Variants in CDH12 observed in about 807,000 individuals in gnomAD.
CDH12 encodes the protein cadherin 12.
In CDH12, 41 loss-of-function variants were observed where a neutral mutation model predicts 74.1. That is an observed-to-expected ratio of 0.55 (90% CI 0.43 to 0.72). The LOEUF is 0.72. Ranked by LOEUF, CDH12 falls within the 30% of genes least tolerant of loss-of-function variation. The probability of loss-of-function intolerance (pLI) is 0.00; values close to 1 mark genes in which losing one functional copy is unlikely to be tolerated. For missense variants in CDH12, 945 were observed against 977.2 expected, an observed-to-expected ratio of 0.97 and a Z score of 0.44; for synonymous variants, 399 against 355.0, an observed-to-expected ratio of 1.12 and a Z score of -1.39.
intron 1 of CDH12, among the ~76,000 whole-genome samples, chr5:22,784,013 A>AT (rs1294703464): frequency 1.3e-5 from 2 of 151,868 alleles, no homozygotes; most frequent in South Asian, 2.1e-4. Flanking sequence ...TGTCTCTCAT[A>AT]TTTTTTGTGT....
At chr5:22,341,233 A>G (rs538314797) in intron 3 of CDH12, among the ~76,000 whole-genome samples, 4 of 152,304 alleles carry the variant, frequency 2.6e-5, no homozygotes, top group South Asian at 4.1e-4. Context: ...GCAGTACCTC[A>G]TAACTGCTGT....
intron 4 of CDH12, among the ~76,000 whole-genome samples, chr5:22,208,459 C>T (rs1353001756): frequency 1.3e-5 from 2 of 152,208 alleles, no homozygotes; most frequent in Non-Finnish European, 2.9e-5. Context: ...CAATTAACCT[C>T]TTTTCTTTCT....
intron 1 of CDH12, among the ~76,000 whole-genome samples, chr5:22,688,063 G>A (rs1319844483): frequency 6.6e-6 from 1 of 152,020 alleles, no homozygotes; most frequent in Admixed American, 6.6e-5. Flanking sequence ...TTCATGTACT[G>A]CATTTGTAAG....
At chr5:21,763,253 C>CT (rs1393317475) in intron 12 of CDH12, among the ~76,000 whole-genome samples, 9 of 152,162 alleles carry the variant, frequency 5.9e-5, no homozygotes, top group African/African-American at 2.2e-4. Context: ...TGAAAATACT[C>CT]TATGTCTGCA....
intron 3 of CDH12, among the ~76,000 whole-genome samples, chr5:22,371,236 C>G (rs1403060021): frequency 6.6e-6 from 1 of 152,054 alleles, no homozygotes; most frequent in African/African-American, 2.4e-5. Context: ...AACTATTGAA[C>G]TCAGACATGT....
At chr5:22,651,668 CA>C (rs1177158556) in intron 1 of CDH12, among the ~76,000 whole-genome samples, 1 of 150,846 alleles carries the variant, frequency 6.6e-6, no homozygotes, top group Non-Finnish European at 1.5e-5. Flanking sequence ...AAAGCCTAAC[CA>C]TATCAGCTAA....
In CDH12 at chr5:21,882,566, C is replaced by A. The variant is rs547962429; in HGVS notation, c.527-27776G>T. On this transcript the variant is annotated intron_variant, in intron 6 of 14. Transcript: ENST00000382254. Reference sequence around the variant, plus strand: ...GACAACCTGTCTCGCCGCGCGCATGCCCTGCAGCCGCCCCACAGAAATGCT... The same window carrying A: ...GACAACCTGTCTCGCCGCGCGCATGACCTGCAGCCGCCCCACAGAAATGCT... 47 of 1,443,562 alleles carry A rather than the reference C, an allele frequency of 3.3e-5. No individual in the cohort carries two copies. In the African/African-American group the frequency reaches 4.6e-4, roughly 14 times the overall value. 89.4% of individuals were successfully genotyped at this position (1,443,562 alleles called of 1,614,324 possible).
In CDH12 at chr5:22,174,999, C is replaced by A. The variant is rs573993260; in HGVS notation, c.-187+37499G>T. Among the ~76,000 whole-genome samples the A allele has an allele frequency of 5.3e-4, 81 of 151,888 alleles. 1 individual carries two copies. In the South Asian group the frequency reaches 0.015, roughly 28 times the overall value. On this transcript the variant is annotated intron_variant, in intron 4 of 14. Coordinates refer to ENST00000382254, the MANE Select transcript of CDH12 (RefSeq NM_004061.5). ...CATTAATGTTATTATTATAAATGTC[C>A]TATACCTACTTACCTAGAGTTAAAT...
At chr5:22,175,857 C>A (rs1236622688) in intron 4 of CDH12, among the ~76,000 whole-genome samples, 1 of 152,120 alleles carries the variant, frequency 6.6e-6, no homozygotes, top group Non-Finnish European at 1.5e-5. Flanking sequence ...GGACCAGAGG[C>A]TGAGCTCAGG....
intron 6 of CDH12, among the ~76,000 whole-genome samples, chr5:21,914,164 C>A (rs539512900): frequency 6.6e-6 from 1 of 152,182 alleles, no homozygotes; most frequent in Non-Finnish European, 1.5e-5. Context: ...GAAATCCACA[C>A]TGAAAGGGGC....
At chr5:22,073,106 A>C (rs567994799) in intron 5 of CDH12, among the ~76,000 whole-genome samples, 1 of 152,282 alleles carries the variant, frequency 6.6e-6, no homozygotes, top group East Asian at 1.9e-4. Context: ...AACTTTTATA[A>C]TTGTAATCTA....
chr5:22,022,895 CA>C (rs1486329562), intron 5 of CDH12, among the ~76,000 whole-genome samples: 1 of 152,090 alleles, frequency 6.6e-6, no homozygotes, highest in African/African-American at 2.4e-5. Context: ...CCATCATAAA[CA>C]GATTTCATTA....
intron 13 of CDH12, among the ~76,000 whole-genome samples, chr5:21,757,215 G>A (rs1012678992): frequency 3.3e-5 from 5 of 151,842 alleles, no homozygotes; most frequent in Admixed American, 6.6e-5. Context: ...TCACTCTGTC[G>A]CCCAGGCTGG....
intron 1 of CDH12, among the ~76,000 whole-genome samples, chr5:22,837,861 A>G (rs1736902247): frequency 6.6e-6 from 1 of 152,178 alleles, no homozygotes; most frequent in South Asian, 2.1e-4. Context: ...AAACAGTTGA[A>G]AGAAGTGTGC....
rs1175600027 is a variant in CDH12, at chr5:22,034,820, T to C, written c.231+43626A>G. On this transcript the variant is annotated intron_variant, in intron 5 of 14. Coordinates refer to ENST00000382254, the MANE Select transcript of CDH12 (RefSeq NM_004061.5). ...AAATTATTAAAACTATATGGGAGTC[T>C]AGAATATAGATCCTGATATAAGTAA... 2.6e-5 allele frequency among the ~76,000 whole-genome samples: 4 copies of C among 152,194 alleles called. No homozygotes were observed. The East Asian group carries it at 7.7e-4, about 29-fold the overall frequency.
chr5:22,525,409 T>C (rs929323799), intron 1 of CDH12, among the ~76,000 whole-genome samples: 2 of 151,658 alleles, frequency 1.3e-5, no homozygotes, highest in Non-Finnish European at 2.9e-5. Flanking sequence ...CAGGAAGCAA[T>C]GGTATGCCCT....
chr5:22,645,184 A>G (rs1739373290), intron 1 of CDH12, among the ~76,000 whole-genome samples: 1 of 152,076 alleles, frequency 6.6e-6, no homozygotes, highest in African/African-American at 2.4e-5. Context: ...ATCTGGGCAA[A>G]ATCAATTGAA....
At chr5:22,625,641 G>C (rs931138983) in intron 1 of CDH12, among the ~76,000 whole-genome samples, 1 of 152,182 alleles carries the variant, frequency 6.6e-6, no homozygotes, top group African/African-American at 2.4e-5. Context: ...GTCTTGCCCA[G>C]GGGATAAGGC....
rs1743998789 is a variant in CDH12 at position 21,750,727 on chromosome 5, T to C, written c.*1010A>G. On this transcript the variant is annotated 3_prime_UTR_variant, in exon 15 of 15. Coordinates refer to ENST00000382254, the MANE Select transcript of CDH12 (RefSeq NM_004061.5). Reference sequence around the variant, plus strand: ...TTGTAAGAAACTCTGAGAAACTGTATAATGAATTTCTCTTTCCATGCTTAA... The same window carrying C: ...TTGTAAGAAACTCTGAGAAACTGTACAATGAATTTCTCTTTCCATGCTTAA... 1 of 152,142 alleles carries C rather than the reference T, an allele frequency of 6.6e-6. No individual in the cohort carries two copies. The highest frequency in any genetic ancestry group is 1.5e-5 in the Non-Finnish European group (1 of 68,004). 9.4% of individuals were successfully genotyped at this position (152,142 alleles called of 1,614,324 possible). A position where few individuals can be genotyped will look rare whatever the true frequency, so the allele number is the denominator to read the frequency against.
Sources: allele counts gnomAD v4.1 joint callset (sites outside exome capture counted in the v4.1 genomes callset), GRCh38; gene constraint gnomAD v4.1.1; transcripts MANE v1.5; gene names NCBI Gene and HGNC (gene_info 2026-07-23, HGNC 2026-07-21).